Variants in ZC3H4 observed in about 807,000 individuals in gnomAD.
ZC3H4 encodes zinc finger CCCH-type containing 4.
A neutral mutation model predicts 108.3 loss-of-function variants in ZC3H4; 13 were observed. That is an observed-to-expected ratio of 0.12 (90% CI 0.08 to 0.19). ZC3H4 has a LOEUF of 0.19. ZC3H4 is among the 10% of genes least tolerant of loss of function. The pLI is 1.00. For missense variants in ZC3H4, 1,734 were observed against 1,838.8 expected, an observed-to-expected ratio of 0.94 and a Z score of 1.04; for synonymous variants, 917 against 749.6, an observed-to-expected ratio of 1.22 and a Z score of -3.65.
chr19:47,093,207 C>T (rs1254169709), intron 4 of ZC3H4, among the ~76,000 whole-genome samples: 1 of 125,476 alleles, frequency 8.0e-6, no homozygotes, highest in African/African-American at 3.2e-5. Context: ...CAGAGTGAGA[C>T]TCTGCCTCAA....
At chr19:47,080,386 A>G (rs1163828221) in intron 11 of ZC3H4, among the ~76,000 whole-genome samples, 3 of 151,578 alleles carry the variant, frequency 2.0e-5, no homozygotes, top group Non-Finnish European at 4.4e-5. Context: ...AGAGACCCCC[A>G]ACTTCCCTCT....
chr19:47,069,143 TCTC>T lies in ZC3H4; in HGVS notation c.2344_2346del (p.Glu782del), dbSNP rs756740929. ...CTGCTCTCAGCCAGCCTCCTCGCTC[TCTC>T]CTCCTCCTCCTGCTGCTTCTGCTGG... is the stretch of plus-strand genomic sequence containing the variant. On this transcript the variant is annotated inframe_deletion, in exon 14 of 15. Coordinates refer to ENST00000253048, the MANE Select transcript of ZC3H4 (RefSeq NM_015168.2). The T allele has an allele frequency of 5.2e-5, 83 of 1,606,484 alleles. No individual in the cohort carries two copies. The highest frequency in any genetic ancestry group is 5.3e-5 in the Non-Finnish European group (62 of 1,179,852).
intron 2 of ZC3H4, among the ~76,000 whole-genome samples, chr19:47,111,780 C>T (rs1444715297): frequency 6.6e-6 from 1 of 151,744 alleles, no homozygotes; most frequent in Non-Finnish European, 1.5e-5. Flanking sequence ...CCCAAATGAC[C>T]CCCAATTACA....
chr19:47,101,695 A>AC (rs1235028410), intron 2 of ZC3H4, among the ~76,000 whole-genome samples: 1 of 152,026 alleles, frequency 6.6e-6, no homozygotes, highest in East Asian at 1.9e-4. Flanking sequence ...ACGTGGAGAA[A>AC]CCCCATCTCT....
At chr19:47,100,440 C>T (rs139097066) in intron 2 of ZC3H4, among the ~76,000 whole-genome samples, 1 of 152,026 alleles carries the variant, frequency 6.6e-6, no homozygotes, top group Non-Finnish European at 1.5e-5. Context: ...TGGTAACGTG[C>T]CTACGCCACG....
intron 2 of ZC3H4, among the ~76,000 whole-genome samples, chr19:47,097,905 T>TCAGG (rs1451806209): frequency 6.6e-6 from 1 of 152,150 alleles, no homozygotes; most frequent in East Asian, 1.9e-4. Context: ...ATGGCTGCAC[T>TCAGG]CGGTCCGCTG....
intron 9 of ZC3H4, among the ~76,000 whole-genome samples, chr19:47,082,604 A>G (rs1384417953): frequency 2.0e-5 from 3 of 152,168 alleles, no homozygotes; most frequent in Admixed American, 2.0e-4. Flanking sequence ...TGAGCCACCA[A>G]GCCTGGGTAC....
At chr19:47,097,687 G>A (rs780714378) in intron 2 of ZC3H4, among the ~76,000 whole-genome samples, 3 of 152,174 alleles carry the variant, frequency 2.0e-5, no homozygotes, top group Admixed American at 6.5e-5. Context: ...GGCAAAATCC[G>A]TGTCAGAGTG....
chr19:47,112,648 G>A (rs1036069005), intron 1 of ZC3H4, 59 bp from the exon 2 acceptor site: 18 of 1,172,220 alleles, frequency 1.5e-5, no homozygotes, highest in Non-Finnish European at 1.9e-5. Context: ...TGGCGGGAGG[G>A]GCACACTTAA....
intron 11 of ZC3H4, among the ~76,000 whole-genome samples, chr19:47,076,632 G>T (rs2057426530): frequency 6.6e-6 from 1 of 152,028 alleles, no homozygotes; most frequent in South Asian, 2.1e-4. Flanking sequence ...GAGGTAGGTG[G>T]ATTACGAGGT....
chr19:47,106,887 C>A (rs2057974721), intron 2 of ZC3H4, among the ~76,000 whole-genome samples: 1 of 152,160 alleles, frequency 6.6e-6, no homozygotes, highest in African/African-American at 2.4e-5. Context: ...CTGGATGAGA[C>A]CTTGTTCATT....
chr19:47,073,299 G>A (rs188375710), intron 11 of ZC3H4, among the ~76,000 whole-genome samples: 2 of 152,118 alleles, frequency 1.3e-5, no homozygotes, highest in East Asian at 3.9e-4. Flanking sequence ...GCCAGACGTG[G>A]TGGCTCATGC....
chr19:47,101,511 G>C (rs576010895), intron 2 of ZC3H4, among the ~76,000 whole-genome samples: 1 of 152,174 alleles, frequency 6.6e-6, no homozygotes, highest in African/African-American at 2.4e-5. Context: ...TTAGAGGCAT[G>C]AGCCATTGCA....
At chr19:47,090,492 A>G (rs779114648) in intron 4 of ZC3H4, among the ~76,000 whole-genome samples, 2 of 152,158 alleles carry the variant, frequency 1.3e-5, no homozygotes, top group Non-Finnish European at 2.9e-5. Context: ...AAGGATGCAG[A>G]GCAAGCGCAC....
chr19:47,076,888 G>A (rs1334208354), intron 11 of ZC3H4, among the ~76,000 whole-genome samples: 1 of 152,104 alleles, frequency 6.6e-6, no homozygotes, highest in Non-Finnish European at 1.5e-5. Flanking sequence ...AGCTACTCAG[G>A]AGGCTGAGGC....
In ZC3H4 at chr19:47,066,584, G is replaced by C. The variant is rs770577279; in HGVS notation, c.3684C>G (p.Ala1228=). The change falls in exon 15 of 15, where the codon GCC becomes GCG. Residue 1228 remains alanine, a synonymous_variant. Transcript: ENST00000253048. ...GTGGGGTGGCGGTGGTGGCAGCGGG[G>C]GCTGCAGCAGCCTTGGGCCGGGGCC... ...YNRPRPKAAA[A]PAATTATPPP... The C allele has an allele frequency of 5.6e-6, 9 of 1,595,524 alleles. No individual in the cohort carries two copies. The highest frequency in any genetic ancestry group is 7.7e-6 in the Non-Finnish European group (9 of 1,170,406).
chr19:47,106,294 G>C (rs1568569279), intron 2 of ZC3H4, among the ~76,000 whole-genome samples: 1 of 152,186 alleles, frequency 6.6e-6, no homozygotes, highest in Non-Finnish European at 1.5e-5. Flanking sequence ...GAACATGGCA[G>C]CACCCAGGCA....
intron 2 of ZC3H4, among the ~76,000 whole-genome samples, chr19:47,096,601 G>A (rs1037719453): frequency 2.0e-5 from 3 of 152,254 alleles, no homozygotes; most frequent in Non-Finnish European, 4.4e-5. Context: ...CACACCTCAA[G>A]AGAAAGGGAG....
At chr19:47,105,053 A>G (rs954346951) in intron 2 of ZC3H4, among the ~76,000 whole-genome samples, 1 of 152,194 alleles carries the variant, frequency 6.6e-6, no homozygotes, top group African/African-American at 2.4e-5. Context: ...GAACGCAGGG[A>G]GAATGGAGCC....
Sources: allele counts gnomAD v4.1 joint callset (sites outside exome capture counted in the v4.1 genomes callset), GRCh38; gene constraint gnomAD v4.1.1; transcripts MANE v1.5; gene names NCBI Gene and HGNC (gene_info 2026-07-23, HGNC 2026-07-21).